The following SYN3 variants were observed in gnomAD, a reference collection of about 807,000 sequenced individuals.
The protein encoded by SYN3 is synapsin-3.
Under a neutral mutation model 65.8 loss-of-function variants are expected in SYN3, and 35 were observed. That is an observed-to-expected ratio of 0.53 (90% CI 0.41 to 0.70). SYN3 has a LOEUF of 0.70. Among genes scored for constraint, SYN3 ranks in the 30% least tolerant of loss-of-function variants. The probability of loss-of-function intolerance (pLI) is 0.00; values close to 1 mark genes in which losing one functional copy is unlikely to be tolerated. For synonymous variants in SYN3, 270 were observed against 292.9 expected (o/e 0.92, Z 0.80); for missense variants, 680 against 749.0 (o/e 0.91, Z 1.08).
chr22:33,049,364 G>A (rs948163299), intron 1 of SYN3, among the ~76,000 whole-genome samples: 2 of 152,250 alleles, frequency 1.3e-5, no homozygotes, highest in South Asian at 4.1e-4. Context: ...ATCTGCTATC[G>A]GCTTTTCTCC....
chr22:32,872,650 T>C (rs2048878970), intron 4 of SYN3, among the ~76,000 whole-genome samples: 1 of 152,190 alleles, frequency 6.6e-6, no homozygotes, highest in Admixed American at 6.5e-5. Context: ...GTCTAGGGTA[T>C]GATGGATATG....
At chr22:32,637,659 A>T (rs2059837576) in intron 6 of SYN3, among the ~76,000 whole-genome samples, 1 of 112,424 alleles carries the variant, frequency 8.9e-6, no homozygotes, top group Non-Finnish European at 1.7e-5. Context: ...TTTTTTTGAG[A>T]CAGGGTCTCA....
chr22:32,900,553 C>T (rs1281514007), intron 4 of SYN3, among the ~76,000 whole-genome samples: 2 of 152,202 alleles, frequency 1.3e-5, no homozygotes, highest in African/African-American at 2.4e-5. Context: ...TAAGAGACAT[C>T]CTTTTTTGAC....
chr22:32,533,571 C>T (rs1391378969), intron 10 of SYN3, among the ~76,000 whole-genome samples: 5 of 152,146 alleles, frequency 3.3e-5, no homozygotes, highest in African/African-American at 1.2e-4. Flanking sequence ...CAACCTCGGG[C>T]CCTGAGGTCT....
chr22:32,833,402 A>C (rs1465496324), intron 6 of SYN3, among the ~76,000 whole-genome samples: 1 of 152,210 alleles, frequency 6.6e-6, no homozygotes, highest in Non-Finnish European at 1.5e-5. Flanking sequence ...GCCACAGGGA[A>C]GCAGTCCAAA....
intron 6 of SYN3, among the ~76,000 whole-genome samples, chr22:32,780,078 A>AAAAAAAAAAAAAAAAAAAG (rs1359453939): frequency 1.9e-5 from 1 of 52,648 alleles, no homozygotes; most frequent in African/African-American, 5.9e-5. Flanking sequence ...CAAAAAAAAA[A>AAAAAAAAAAAAAAAAAAAG]AGAGAGAGAA....
chr22:32,879,134 T>C (rs1364609217), intron 4 of SYN3, among the ~76,000 whole-genome samples: 6 of 152,172 alleles, frequency 3.9e-5, no homozygotes, highest in Admixed American at 3.9e-4. Flanking sequence ...CTGCAATCTC[T>C]AAGTGTCTAG....
At chr22:32,564,964 C>T (rs2058647076) in intron 7 of SYN3, among the ~76,000 whole-genome samples, 1 of 146,966 alleles carries the variant, frequency 6.8e-6, no homozygotes, top group Non-Finnish European at 1.5e-5. Flanking sequence ...TGGACTGCAC[C>T]CAAACAGTGC....
chr22:32,725,268 T>C (rs1351677571), intron 6 of SYN3, among the ~76,000 whole-genome samples: 1 of 152,160 alleles, frequency 6.6e-6, no homozygotes, highest in African/African-American at 2.4e-5. Context: ...AAGCATGCCC[T>C]GGTTTCCTGG....
chr22:32,607,974 G>C (rs1283937299), intron 6 of SYN3, among the ~76,000 whole-genome samples: 2 of 152,214 alleles, frequency 1.3e-5, no homozygotes, highest in Non-Finnish European at 2.9e-5. Context: ...CTCTGGGCTT[G>C]TGCTATAATT....
intron 1 of SYN3, among the ~76,000 whole-genome samples, chr22:33,036,485 A>AT (rs973490158): frequency 6.6e-6 from 1 of 152,176 alleles, no homozygotes; most frequent in Non-Finnish European, 1.5e-5. Context: ...AAGGACAGAA[A>AT]TTAATCACTG....
intron 6 of SYN3, among the ~76,000 whole-genome samples, chr22:32,755,322 C>T (rs779115826): frequency 1.1e-4 from 16 of 152,166 alleles, no homozygotes; most frequent in African/African-American, 2.4e-4. Context: ...CACTTTCACC[C>T]GCTGCCTTCA....
At chr22:32,903,448 C>T (rs575524375) in intron 4 of SYN3, among the ~76,000 whole-genome samples, 13 of 152,316 alleles carry the variant, frequency 8.5e-5, no homozygotes, top group African/African-American at 1.9e-4. Flanking sequence ...ACACCACTGA[C>T]GATCAAGTTT....
intron 1 of SYN3, chr22:33,015,265 A>T: frequency 2.0e-6 from 1 of 507,896 alleles, no homozygotes; most frequent in Non-Finnish European, 3.2e-6. Context: ...GGACGAGACT[A>T]TCCAAAAGGA....
intron 1 of SYN3, among the ~76,000 whole-genome samples, chr22:33,057,136 G>C (rs1352078339): frequency 6.6e-6 from 1 of 152,162 alleles, no homozygotes; most frequent in Non-Finnish European, 1.5e-5. Context: ...TTGCAGCCAA[G>C]GACCAGAAAA....
chr22:32,772,088 G>C (rs1464356399), intron 6 of SYN3, among the ~76,000 whole-genome samples: 1 of 152,092 alleles, frequency 6.6e-6, no homozygotes, highest in Non-Finnish European at 1.5e-5. Flanking sequence ...AAGCCATTAA[G>C]CCTGGAAGAA....
chr22:32,885,852 C>T (rs1185853410), intron 4 of SYN3, among the ~76,000 whole-genome samples: 1 of 152,170 alleles, frequency 6.6e-6, no homozygotes, highest in African/African-American at 2.4e-5. Flanking sequence ...TGAGCCACTG[C>T]ACCAGGCCCA....
At chr22:32,567,013 A>G (rs1326091431) in intron 7 of SYN3, among the ~76,000 whole-genome samples, 1 of 152,122 alleles carries the variant, frequency 6.6e-6, no homozygotes, top group East Asian at 1.9e-4. Flanking sequence ...ATGAACTTTG[A>G]TACAGGGGAA....
chr22:32,796,520 C>T (rs909123211), intron 6 of SYN3, among the ~76,000 whole-genome samples: 2 of 152,148 alleles, frequency 1.3e-5, no homozygotes, highest in African/African-American at 2.4e-5. Flanking sequence ...GTGTTTACCC[C>T]CTGCTGGTGC....
Sources: gnomAD v4.1 joint callset for allele counts (sites outside exome capture counted in the v4.1 genomes callset) on GRCh38, gnomAD v4.1.1 for gene constraint, MANE v1.5 for transcripts, NCBI Gene and HGNC (gene_info 2026-07-23, HGNC 2026-07-21) for gene names.